Variants in NOL6 observed in about 807,000 individuals in gnomAD.
NOL6 encodes nucleolar protein 6, also known as nucleolar RNA-associated protein.
A neutral mutation model predicts 131.7 loss-of-function variants in NOL6; 33 were observed. That is an observed-to-expected ratio of 0.25 (90% CI 0.19 to 0.33). The LOEUF is 0.33. Ranked by LOEUF, NOL6 falls within the 10% of genes least tolerant of loss-of-function variation. The probability of loss-of-function intolerance (pLI) is 1.00; values close to 1 mark genes in which losing one functional copy is unlikely to be tolerated. For synonymous variants in NOL6, 580 were observed against 605.7 expected, an observed-to-expected ratio of 0.96 and a Z score of 0.62; for missense variants, 1,297 against 1,494.5, an observed-to-expected ratio of 0.87 and a Z score of 2.18.
intron 20 of NOL6, 83 bp from the exon 21 acceptor site, chr9:33,465,059 T>A: frequency 6.9e-7 from 1 of 1,443,850 alleles, no homozygotes; most frequent in Non-Finnish European, 9.6e-7. Flanking sequence ...TCAGACCCCC[T>A]GGTGTGGATT....
In NOL6 at chr9:33,469,306, G is replaced by C. The variant is rs772103128; in HGVS notation, c.763C>G (p.Pro255Ala). The C allele has an allele frequency of 3.1e-6, 5 of 1,614,038 alleles. No homozygotes were observed. The African/African-American group carries it at 6.7e-5, about 22-fold the overall frequency. ...CGGAAGAAGTCAGGTGGAGGGCACGGATGCAGACGTACAGTGACCAGGCGC... is the reference window on the plus strand; with the variant it reads ...CGGAAGAAGTCAGGTGGAGGGCACGCATGCAGACGTACAGTGACCAGGCGC... The part of the protein sequence containing the change: ...DERLVTVRLH[P>A]CPPPDFFRPC... Residue 255 changes from proline to alanine, a missense_variant, in exon 6 of 26, where the codon CCG becomes GCG. Pro to Ala is a conservative substitution (Grantham distance 27). Transcript: ENST00000297990.
In NOL6 at chr9:33,462,357, G is replaced by T. The variant is rs1827116234; in HGVS notation, c.*307C>A. The T allele has an allele frequency of 4.6e-6, 3 of 656,630 alleles. No homozygotes were observed. Among genetic ancestry groups the T allele is most frequent in the Non-Finnish European group, 8.3e-6 (3 of 359,316 alleles). 40.7% of individuals were successfully genotyped at this position (656,630 alleles called of 1,614,324 possible). On this transcript the variant is annotated 3_prime_UTR_variant, in exon 26 of 26. Transcript: ENST00000297990. The stretch of plus-strand genomic sequence containing the variant: ...AGAAAGGAGTGGGAAATCGCAGGGA[G>T]GTCCAGGCCCAGGGCTAATAGGTGG...
chr9:33,473,761 T>G lies in NOL6; in HGVS notation c.54+28A>C, dbSNP rs775233499. ...CAGCCAAGGGAGCGCACATTGAGCC[T>G]CTGTTCCTCCCCGATGGCTCAACCC... On this transcript the variant is annotated intron_variant, in intron 1 of 25. Coordinates refer to ENST00000297990, the MANE Select transcript of NOL6 (RefSeq NM_022917.5). 35 of 1,611,096 alleles carry G rather than the reference T, an allele frequency of 2.2e-5. 1 individual carries two copies. Among genetic ancestry groups the G allele is most frequent in the Non-Finnish European group, 2.5e-6 (3 of 1,179,508 alleles).
In NOL6 at chr9:33,461,962, A is replaced by C. The variant is rs1336549646; in HGVS notation, c.*702T>G. ...ACGGGCAAACAGCCAGGGCAGATGC[A>C]GCTAACGGGTAGCCCCCAGTGCTTT... On this transcript the variant is annotated 3_prime_UTR_variant, in exon 26 of 26. Transcript: ENST00000297990. 1.8e-6 allele frequency: 1 copy of C among 570,620 alleles called. No individual in the cohort carries two copies. The highest frequency in any genetic ancestry group is 3.2e-6 in the Non-Finnish European group (1 of 314,856). The allele number at this position is 570,620 out of a possible 1,614,324, so 35.3% of individuals were successfully genotyped here. A position where few individuals can be genotyped will look rare whatever the true frequency, so the allele number is the denominator to read the frequency against.
At position 33,468,077 on chromosome 9, in the gene NOL6, C is replaced by T. The variant is rs1348087253; in HGVS notation, c.1377G>A (p.Leu459=). 1 of 1,614,064 alleles carries T rather than the reference C, an allele frequency of 6.2e-7. No homozygotes were observed. The highest frequency in any genetic ancestry group is 8.5e-7 in the Non-Finnish European group (1 of 1,180,042). ...DSRADDGFHL[L]LMTPKPMIRA... is the part of the protein sequence containing the mutation. ...GGATCATGGGTTTGGGAGTCATCAA[C>T]AGCAGGTGGAACCCGTCGTCAGCTC... Residue 459 remains leucine (L), a synonymous_variant, in exon 11 of 26, where the codon CTG becomes CTA. Coordinates refer to ENST00000297990, the MANE Select transcript of NOL6 (RefSeq NM_022917.5).
At chr9:33,470,871 T>C (rs1377750898) in intron 3 of NOL6, among the ~76,000 whole-genome samples, 4 of 152,018 alleles carry the variant, frequency 2.6e-5, no homozygotes. Flanking sequence ...GTGCCTAGAC[T>C]AGTTCCTAAC....
chr9:33,466,906 C>A lies in NOL6; in HGVS notation c.1950+6G>T, dbSNP rs1028545973. ...CAATCACTAGCCTTGACCCCAAGAC[C>A]CTTACCTCTTTCAGGCCTTGGATAA... is the stretch of plus-strand genomic sequence containing the variant. On this transcript the variant is annotated splice_donor_region_variant and intron_variant, in intron 15 of 25. Coordinates refer to ENST00000297990, the MANE Select transcript of NOL6 (RefSeq NM_022917.5). 6.2e-7 allele frequency: 1 copy of A among 1,613,742 alleles called. No individual in the cohort carries two copies. Among genetic ancestry groups the A allele is most frequent in the Non-Finnish European group, 8.5e-7 (1 of 1,179,858 alleles).
At chr9:33,472,956 G>C (rs1375938418) in intron 1 of NOL6, among the ~76,000 whole-genome samples, 1 of 135,692 alleles carries the variant, frequency 7.4e-6, no homozygotes, top group African/African-American at 2.9e-5. Flanking sequence ...CTGGGCAACA[G>C]AGCAAGACTG....
Position 33,467,448 on chromosome 9 carries a change from C to G in NOL6, c.1671G>C (p.Arg557=), listed in dbSNP as rs766560863. ...CAAGGACGCTGGTCAGTCCCTCAGG[C>G]CGGAGAAGGAGTCCCAGGGTCAGGG... is the stretch of plus-strand genomic sequence containing the variant. ...SGTLTLGLLL[R]PEGLTSVLEL... Residue 557 remains arginine (R), a synonymous_variant, in exon 13 of 26, where the codon CGG becomes CGC. Transcript: ENST00000297990. The surrounding 1 kb of genome is among the most constrained non-coding windows in gnomAD (Gnocchi z 4.4). The G allele has an allele frequency of 4.3e-6, 7 of 1,614,184 alleles. No homozygotes were observed. The highest frequency in any genetic ancestry group is 5.1e-6 in the Non-Finnish European group (6 of 1,180,022).
At position 33,467,666 on chromosome 9, in the gene NOL6, A is replaced by C; in HGVS notation, c.1602+25T>G. On this transcript the variant is annotated intron_variant, in intron 12 of 25. Transcript: ENST00000297990. This position sits in a 1 kb window ranked among gnomAD's most constrained non-coding sequence, Gnocchi z 4.4. ...CTGGATCCAGCCCAACTCAGACCCA[A>C]ACTCCCCAACCTACACCACCTCACC... 6.5e-7 allele frequency: 1 copy of C among 1,544,728 alleles called. No homozygotes were observed. Among genetic ancestry groups the C allele is most frequent in the South Asian group, 1.3e-5 (1 of 79,866 alleles).
Position 33,464,863 on chromosome 9 carries a change from C to T in NOL6, c.2779+16G>A. 2 of 1,582,638 alleles carry T rather than the reference C, an allele frequency of 1.3e-6. No individual in the cohort carries two copies. The highest frequency in any genetic ancestry group is 1.7e-6 in the Non-Finnish European group (2 of 1,151,894). ...AGCTGTTCTTCCAGCAGTCTGACCC[C>T]TGTTCTACCACTTACCAGTGAGCTC... is the stretch of plus-strand genomic sequence containing the variant. On this transcript the variant is annotated intron_variant, in intron 21 of 25. Transcript: ENST00000297990.
At chr9:33,466,866 A>C (rs779680640) in intron 15 of NOL6, 46 bp downstream of exon 15, 3 of 1,596,128 alleles carry the variant, frequency 1.9e-6, no homozygotes, top group Non-Finnish European at 2.6e-6. Context: ...CTCTCCCCGC[A>C]GATTGATTAC....
rs919281496 is a variant in NOL6, at chr9:33,463,337, G to C, written c.3099C>G (p.Phe1033Leu). The change falls in exon 24 of 26, where the codon TTC becomes TTG. Residue 1033 changes from phenylalanine (F) to leucine (L), a missense_variant. By Grantham distance (22) the Phe-to-Leu change is conservative (BLOSUM62 0). Coordinates refer to ENST00000297990, the MANE Select transcript of NOL6 (RefSeq NM_022917.5). ...RQAVDSPAAS[F>L]CRGLLSQPGP... Reference sequence around the variant, plus strand: ...CCGGCTGGCTGAGCAGGCCCCGGCAGAAGGAGGCAGCTGGCGAGTCCACAG... The same window carrying C: ...CCGGCTGGCTGAGCAGGCCCCGGCACAAGGAGGCAGCTGGCGAGTCCACAG... The C allele has an allele frequency of 6.2e-7, 1 of 1,614,036 alleles. No homozygotes were observed.
At chr9:33,472,158 G>C in intron 2 of NOL6, 38 bp from the exon 3 acceptor site, 1 of 1,612,828 alleles carries the variant, frequency 6.2e-7, no homozygotes, top group Non-Finnish European at 8.5e-7. Context: ...TCAGCCTCAG[G>C]GTCCCAGGTA....
chr9:33,467,725 T>C lies in NOL6; in HGVS notation c.1568A>G (p.Asn523Ser). 6 of 1,584,346 alleles carry C rather than the reference T, an allele frequency of 3.8e-6. No individual in the cohort carries two copies. Among genetic ancestry groups the C allele is most frequent in the Non-Finnish European group, 5.1e-6 (6 of 1,167,452 alleles). ...TGGGGGTCGAGAGTGAGCCAGCAGGTTCAGCCGAGCCCCCAGGCCCTGCTC... is the reference window on the plus strand; with the variant it reads ...TGGGGGTCGAGAGTGAGCCAGCAGGCTCAGCCGAGCCCCCAGGCCCTGCTC... ...LLEQGLGARL[N>S]LLAHSRPPVP... is the part of the protein sequence containing the mutation. Residue 523 changes from asparagine (N) to serine (S), a missense_variant, in exon 12 of 26, where the codon AAC (asparagine) becomes AGC (serine). Coordinates refer to ENST00000297990, the MANE Select transcript of NOL6 (RefSeq NM_022917.5). The surrounding 1 kb of genome is among the most constrained non-coding windows in gnomAD (Gnocchi z 4.4).
At chr9:33,472,854 T>C (rs1827450572) in intron 1 of NOL6, among the ~76,000 whole-genome samples, 1 of 151,570 alleles carries the variant, frequency 6.6e-6, no homozygotes, top group Non-Finnish European at 1.5e-5. Flanking sequence ...ATGCCTGTAA[T>C]CTCAGCTACG....
At chr9:33,468,686 C>T in intron 8 of NOL6, 66 bp downstream of exon 8, 1 of 1,611,802 alleles carries the variant, frequency 6.2e-7, no homozygotes, top group Non-Finnish European at 8.5e-7. Context: ...CAAAAGACTG[C>T]TACTGGGATG....
At position 33,467,129 on chromosome 9, in the gene NOL6, G is replaced by A; in HGVS notation, c.1859C>T (p.Thr620Ile). The A allele has an allele frequency of 6.2e-7, 1 of 1,614,196 alleles. No homozygotes were observed. The highest frequency in any genetic ancestry group is 8.5e-7 in the Non-Finnish European group (1 of 1,180,044). ...CAACACTCACAGTGCCAAGAGGTGG[G>A]TGACCACCTGGTGGGGAATAAGGCG... Reference protein sequence around the residue: ...QKRLIPHQVVTHLLALHADIP... With the variant: ...QKRLIPHQVVIHLLALHADIP... The change falls in exon 14 of 26, where the codon ACC (threonine) becomes ATC (isoleucine). Residue 620 changes from threonine to isoleucine, a missense_variant. Transcript: ENST00000297990. This position sits in a 1 kb window ranked among gnomAD's most constrained non-coding sequence, Gnocchi z 4.4.
In NOL6 at chr9:33,462,675, A is replaced by AC; in HGVS notation, c.3429dup (p.Trp1144ValfsTer93). ...CTCCAGAGCTGGGATCACACAGTCC[A>AC]CCTCTCACTTCGGGCCTCCACAGTC... On this transcript the variant is annotated frameshift_variant, in exon 26 of 26. Coordinates refer to ENST00000297990, the MANE Select transcript of NOL6 (RefSeq NM_022917.5). LOFTEE classifies it high-confidence loss of function. 2.5e-6 allele frequency: 4 copies of AC among 1,613,918 alleles called. No homozygotes were observed. The highest frequency in any genetic ancestry group is 3.4e-6 in the Non-Finnish European group (4 of 1,179,950).
Sources: gnomAD v4.1 joint callset for allele counts (sites outside exome capture counted in the v4.1 genomes callset) on GRCh38, gnomAD v4.1.1 for gene constraint, Gnocchi (gnomAD v3.1) non-coding constraint, MANE v1.5 for transcripts, NCBI Gene and HGNC (gene_info 2026-07-23, HGNC 2026-07-21) for gene names.